The following CPPED1 variants were observed in gnomAD, a reference collection of about 807,000 sequenced individuals.
The protein encoded by CPPED1 is calcineurin like phosphoesterase domain containing 1, also known as serine/threonine-protein phosphatase CPPED1.
CPPED1 carries 28 observed loss-of-function variants against 28.0 expected under a neutral mutation model. That is an observed-to-expected ratio of 1.00 (90% CI 0.74 to 1.37). CPPED1 has a LOEUF of 1.37. CPPED1 is among the 40% of genes most tolerant of loss of function. The probability of loss-of-function intolerance (pLI) is 0.00; values close to 1 mark genes in which losing one functional copy is unlikely to be tolerated. For missense variants in CPPED1, 504 were observed against 416.5 expected (o/e 1.21, Z -1.83); for synonymous variants, 198 against 180.2 (o/e 1.10, Z -0.79).
chr16:12,714,040 G>C (rs1342878418), intron 2 of CPPED1, among the ~76,000 whole-genome samples: 3 of 151,948 alleles, frequency 2.0e-5, no homozygotes, highest in Non-Finnish European at 2.9e-5. Flanking sequence ...TAAAATGTAG[G>C]CTTTTGTTAC....
intron 2 of CPPED1, among the ~76,000 whole-genome samples, chr16:12,769,160 T>C (rs1388781029): frequency 6.6e-6 from 1 of 152,096 alleles, no homozygotes; most frequent in African/African-American, 2.4e-5. Flanking sequence ...CCACTGTGCC[T>C]GGCCTTAAAC....
At chr16:12,695,679 C>T (rs2079986112) in intron 3 of CPPED1, among the ~76,000 whole-genome samples, 1 of 152,222 alleles carries the variant, frequency 6.6e-6, no homozygotes, top group African/African-American at 2.4e-5. Context: ...TGGCCAATCA[C>T]AGGCAGTCAA....
intron 2 of CPPED1, among the ~76,000 whole-genome samples, chr16:12,779,026 A>T (rs560819281): frequency 2.8e-4 from 43 of 152,340 alleles, no homozygotes; most frequent in African/African-American, 1.0e-3. Context: ...TATCTTATTT[A>T]AAAAGCAACA....
At chr16:12,729,167 C>A (rs1025930870) in intron 2 of CPPED1, among the ~76,000 whole-genome samples, 5 of 152,058 alleles carry the variant, frequency 3.3e-5, no homozygotes, top group Admixed American at 2.6e-4. Flanking sequence ...TTTGGGAAAA[C>A]CTGATCTGAC....
chr16:12,683,031 G>A (rs1273135877), intron 3 of CPPED1, among the ~76,000 whole-genome samples: 2 of 152,212 alleles, frequency 1.3e-5, no homozygotes, highest in African/African-American at 4.8e-5. Context: ...GTAGACAGAC[G>A]TGGCGGCCAG....
chr16:12,780,553 C>A (rs987936862), intron 2 of CPPED1, among the ~76,000 whole-genome samples: 1 of 151,974 alleles, frequency 6.6e-6, no homozygotes, highest in African/African-American at 2.4e-5. Context: ...CAAATGTAGA[C>A]CTCCCAGGAG....
At position 12,764,886 on chromosome 16, in the gene CPPED1, C is replaced by T. The variant is rs1045912343; in HGVS notation, c.289+16299G>A. Among the ~76,000 whole-genome samples the T allele has an allele frequency of 6.6e-5, 10 of 152,192 alleles. No individual in the cohort carries two copies. The South Asian group carries it at 8.3e-4, about 13-fold the overall frequency. Reference sequence around the variant, plus strand: ...GGGCAAACACATAGGCAGATCCCCTCGGTTCCCATCAGAGAAACAAATGAG... The same window carrying T: ...GGGCAAACACATAGGCAGATCCCCTTGGTTCCCATCAGAGAAACAAATGAG... On this transcript the variant is annotated intron_variant, in intron 2 of 3. Transcript: ENST00000381774.
At position 12,704,731 on chromosome 16, in the gene CPPED1, A is replaced by C. The variant is rs368304176; in HGVS notation, c.608T>G (p.Phe203Cys). The change falls in exon 3 of 4, where the codon TTC becomes TGC. Residue 203 changes from phenylalanine (F) to cysteine (C), a missense_variant. Physicochemically the swap from Phe to Cys is radical, Grantham distance 205. Coordinates refer to ENST00000381774, the MANE Select transcript of CPPED1 (RefSeq NM_018340.3). ...RQRHCQHAIV[F>C]QHIPLFLESI... ...CTCCAGGAACAGCGGGATGTGCTGG[A>C]AGACGATGGCATGCTGGCAGTGCCG... 43 of 1,614,100 alleles carry C rather than the reference A, an allele frequency of 2.7e-5. No individual in the cohort carries two copies. The highest frequency in any genetic ancestry group is 4.0e-5 in the African/African-American group (3 of 74,946).
At chr16:12,678,021 G>A (rs1360960414) in intron 3 of CPPED1, among the ~76,000 whole-genome samples, 3 of 152,178 alleles carry the variant, frequency 2.0e-5, no homozygotes, top group Non-Finnish European at 4.4e-5. Context: ...AAAATAGGAG[G>A]AAGGCCACCC....
In CPPED1 at chr16:12,713,508, G is replaced by A. The variant is rs557323778; in HGVS notation, c.290-8459C>T. Among the ~76,000 whole-genome samples the A allele has an allele frequency of 6.6e-5, 10 of 152,232 alleles. No individual in the cohort carries two copies. In the South Asian group the frequency reaches 2.1e-3, roughly 32 times the overall value. On this transcript the variant is annotated intron_variant, in intron 2 of 3. Coordinates refer to ENST00000381774, the MANE Select transcript of CPPED1 (RefSeq NM_018340.3). Reference sequence around the variant, plus strand: ...AACCTCCTGAGTAGCTGGGATTACAGGCATGTGCCACAACACCCAGCCAAT... The same window carrying A: ...AACCTCCTGAGTAGCTGGGATTACAAGCATGTGCCACAACACCCAGCCAAT...
intron 1 of CPPED1, among the ~76,000 whole-genome samples, chr16:12,801,987 C>T (rs1423828729): frequency 1.3e-5 from 2 of 152,134 alleles, no homozygotes; most frequent in African/African-American, 2.4e-5. Context: ...GACAGCCAGG[C>T]GAGGCAACCC....
At chr16:12,723,037 C>T (rs2080149843) in intron 2 of CPPED1, among the ~76,000 whole-genome samples, 1 of 152,186 alleles carries the variant, frequency 6.6e-6, no homozygotes, top group Non-Finnish European at 1.5e-5. Flanking sequence ...AATCCTTCCT[C>T]ATCAGTCCAG....
intron 3 of CPPED1, among the ~76,000 whole-genome samples, chr16:12,672,218 G>A (rs1047045566): frequency 3.3e-5 from 5 of 152,148 alleles, no homozygotes; most frequent in Admixed American, 6.6e-5. Flanking sequence ...CATGTTAAGG[G>A]GGCAATCTAG....
intron 1 of CPPED1, among the ~76,000 whole-genome samples, chr16:12,798,306 A>G (rs997385878): frequency 6.6e-6 from 1 of 152,220 alleles, no homozygotes; most frequent in Non-Finnish European, 1.5e-5. Context: ...GGACCTTCAA[A>G]TATATCTCAA....
intron 3 of CPPED1, among the ~76,000 whole-genome samples, chr16:12,673,062 G>A (rs911606972): frequency 1.3e-5 from 2 of 152,116 alleles, no homozygotes; most frequent in Non-Finnish European, 2.9e-5. Context: ...AAACATTAGG[G>A]CAACATGAAC....
rs557848705 is a variant in CPPED1, at chr16:12,688,577, A to G, written c.715+16047T>C. ...TGGTCTCGAACTCCGACCTCAGGTG[A>G]TCTGCTGCCTCGGCCTCCCAAAGTA... On this transcript the variant is annotated intron_variant, in intron 3 of 3. Transcript: ENST00000381774. Among the ~76,000 whole-genome samples the G allele has an allele frequency of 4.6e-5, 7 of 152,134 alleles. No individual in the cohort carries two copies. In the South Asian group the frequency reaches 1.5e-3, roughly 32 times the overall value.
chr16:12,704,691 G>A lies in CPPED1; in HGVS notation c.648C>T (p.Asp216=), dbSNP rs759163128. 43 of 1,614,070 alleles carry A rather than the reference G, an allele frequency of 2.7e-5. No individual in the cohort carries two copies. The highest frequency in any genetic ancestry group is 3.3e-4 in the Middle Eastern group (2 of 6,084). Residue 216 remains aspartate, a synonymous_variant, in exon 3 of 4, where the codon GAC becomes GAT. Transcript: ENST00000381774. ...TGCTGAGGTTGAAGTAGTAGTCGTC[G>A]TCCTCGTCGATGCTCTCCAGGAACA... is the stretch of plus-strand genomic sequence containing the variant. ...IPLFLESIDE[D]DDYYFNLSKS...
chr16:12,784,488 AG>A (rs1325376901), intron 1 of CPPED1, among the ~76,000 whole-genome samples: 2 of 151,900 alleles, frequency 1.3e-5, no homozygotes, highest in Non-Finnish European at 2.9e-5. Context: ...CCTACAAATG[AG>A]GCATTAGGGA....
chr16:12,767,682 G>A (rs1472386331), intron 2 of CPPED1, among the ~76,000 whole-genome samples: 1 of 152,226 alleles, frequency 6.6e-6, no homozygotes, highest in Non-Finnish European at 1.5e-5. Context: ...GCCCTACTGG[G>A]GTGCAGTGGC....
Sources: allele counts gnomAD v4.1 joint callset (sites outside exome capture counted in the v4.1 genomes callset), GRCh38; gene constraint gnomAD v4.1.1; transcripts MANE v1.5; gene names NCBI Gene and HGNC (gene_info 2026-07-23, HGNC 2026-07-21).